The following ADGRV1 variants were observed in gnomAD, a reference collection of about 807,000 sequenced individuals.
The protein encoded by ADGRV1 is G-protein coupled receptor 98.
Under a neutral mutation model 596.2 loss-of-function variants are expected in ADGRV1, and 359 were observed. The ratio of observed to expected loss-of-function variants is 0.60; its 90% CI spans 0.55 to 0.66. The LOEUF (loss-of-function observed/expected upper bound fraction) is 0.66. Among genes scored for constraint, ADGRV1 ranks in the 30% least tolerant of loss-of-function variants. The pLI is 0.00. For missense variants in ADGRV1, 7,274 were observed against 7,575.6 expected (o/e 0.96, Z 1.48); for synonymous variants, 2,681 against 2,679.2 (o/e 1.00, Z -0.02).
intron 84 of ADGRV1, among the ~76,000 whole-genome samples, chr5:90,977,249 GTTAAGA>G (rs538508054): frequency 1.2e-4 from 19 of 152,276 alleles, no homozygotes; most frequent in Non-Finnish European, 2.5e-4. Flanking sequence ...TGCAATAAAT[GTTAAGA>G]AAGAGGGAGG....
intron 85 of ADGRV1, among the ~76,000 whole-genome samples, chr5:90,986,835 TTCTTTGTGATATGC>T (rs1350152497): frequency 6.6e-6 from 1 of 152,176 alleles, no homozygotes; most frequent in African/African-American, 2.4e-5. Flanking sequence ...TTCTACGTCA[TTCTTTGTGATATGC>T]AAAGTAACCA....
intron 4 of ADGRV1, among the ~76,000 whole-genome samples, chr5:90,620,622 T>G (rs1236259667): frequency 6.6e-6 from 1 of 152,146 alleles, no homozygotes; most frequent in Non-Finnish European, 1.5e-5. Flanking sequence ...TTTGTCAATT[T>G]TGTCTTTTGT....
At chr5:90,616,558 C>T (rs1250571217) in intron 2 of ADGRV1, among the ~76,000 whole-genome samples, 1 of 152,042 alleles carries the variant, frequency 6.6e-6, no homozygotes, top group Non-Finnish European at 1.5e-5. Context: ...ACATACATCT[C>T]TTTCTTTTCC....
chr5:90,932,429 A>G (rs1235481626), intron 83 of ADGRV1, among the ~76,000 whole-genome samples: 1 of 152,126 alleles, frequency 6.6e-6, no homozygotes, highest in African/African-American at 2.4e-5. Context: ...TCTGTTTGCT[A>G]GTGGAAATGG....
intron 85 of ADGRV1, among the ~76,000 whole-genome samples, chr5:91,036,522 A>G (rs1435243353): frequency 2.0e-5 from 3 of 150,698 alleles, no homozygotes; most frequent in African/African-American, 4.9e-5. Flanking sequence ...AGATCGCGCC[A>G]CTGCACTCTA....
chr5:90,928,815 G>A (rs1267063511), intron 83 of ADGRV1, among the ~76,000 whole-genome samples: 13 of 151,440 alleles, frequency 8.6e-5, no homozygotes, highest in African/African-American at 1.9e-4. Context: ...TTTTTGGTGT[G>A]GATGTCCTTT....
Position 90,883,254 on chromosome 5 carries a change from A to G in ADGRV1, c.17856+19397A>G, listed in dbSNP as rs775641617. ...TACATGTTCATCTGTGGGAACCAGA[A>G]GGAAGGTCATATCTTGCTTCTACCT... On this transcript the variant is annotated intron_variant, in intron 83 of 89. Transcript: ENST00000405460. Among the ~76,000 whole-genome samples, 3 of 152,186 alleles carry G rather than the reference A, an allele frequency of 2.0e-5. No individual in the cohort carries two copies. In the East Asian group the frequency reaches 5.8e-4, roughly 29 times the overall value.
At chr5:90,844,972 T>G (rs1361021389) in intron 78 of ADGRV1, among the ~76,000 whole-genome samples, 1 of 152,210 alleles carries the variant, frequency 6.6e-6, no homozygotes, top group Non-Finnish European at 1.5e-5. Context: ...CAAGAATTAG[T>G]TTTTACACTT....
chr5:90,569,387 A>ATATAT (rs1231607997), intron 1 of ADGRV1, among the ~76,000 whole-genome samples: 1 of 16,374 alleles, frequency 6.1e-5, no homozygotes, highest in Non-Finnish European at 1.0e-4. Flanking sequence ...ATATATATAT[A>ATATAT]TTTTTTTTTT....
intron 83 of ADGRV1, among the ~76,000 whole-genome samples, chr5:90,872,423 TTGTGTGTGTGTGTGTGTGTGTGTGTGTG>T (rs55743704): frequency 1.4e-5 from 2 of 147,336 alleles, no homozygotes; most frequent in African/African-American, 5.1e-5. Flanking sequence ...TGGTATGAGC[TTGTGTGTGTGTGTGTGTGTGTGTGTGTG>T]TGTGTGTGTG....
At chr5:90,877,150 G>A (rs1769293291) in intron 83 of ADGRV1, among the ~76,000 whole-genome samples, 1 of 152,184 alleles carries the variant, frequency 6.6e-6, no homozygotes, top group South Asian at 2.1e-4. Context: ...TCTTCACCAG[G>A]AAGAATCTAC....
Position 90,616,321 on chromosome 5 carries a change from A to G in ADGRV1, c.207+1302A>G, listed in dbSNP as rs543209694. 1.2e-4 allele frequency among the ~76,000 whole-genome samples: 18 copies of G among 152,198 alleles called. No individual in the cohort carries two copies. In the East Asian group the frequency reaches 1.5e-3, roughly 13 times the overall value. ...GCACAAGCTCATGCAGAATCTTACT[A>G]ATAATACTGAGAATCTTACCAGTAA... is the stretch of plus-strand genomic sequence containing the variant. On this transcript the variant is annotated intron_variant, in intron 2 of 89. Transcript: ENST00000405460.
intron 83 of ADGRV1, among the ~76,000 whole-genome samples, chr5:90,954,204 G>A (rs1343516342): frequency 2.9e-5 from 4 of 136,962 alleles, no homozygotes; most frequent in Admixed American, 1.6e-4. Context: ...TATTTATAAA[G>A]ATTAAAAAGC....
At chr5:90,774,366 T>A in intron 60 of ADGRV1, 63 bp downstream of exon 60, 1 of 914,132 alleles carries the variant, frequency 1.1e-6, no homozygotes, top group South Asian at 1.4e-5. Flanking sequence ...GTAATAAAAA[T>A]AACCCGTAGT....
At chr5:90,762,174 G>T (rs1028164113) in intron 58 of ADGRV1, among the ~76,000 whole-genome samples, 1 of 152,138 alleles carries the variant, frequency 6.6e-6, no homozygotes, top group Non-Finnish European at 1.5e-5. Context: ...AATCAAAGAA[G>T]ACTTATATAA....
chr5:90,788,159 A>G lies in ADGRV1; in HGVS notation c.13742A>G (p.Tyr4581Cys), dbSNP rs776678308. The G allele has an allele frequency of 7.4e-6, 12 of 1,613,744 alleles. No individual in the cohort carries two copies. The African/African-American group carries it at 8.0e-5, about 11-fold the overall frequency. ...GCAGACCCAGTGAGCGGGTTGTTCT[A>G]TTTTGGAGAAGGAGAAGGAGGAGTG... The part of the protein sequence containing the change: ...DIADPVSGLF[Y>C]FGEGEGGVRT... Residue 4581 changes from tyrosine to cysteine, a missense_variant, in exon 68 of 90, where the codon TAT becomes TGT. Tyr to Cys is a radical substitution (Grantham distance 194). Transcript: ENST00000405460.
At chr5:90,708,659 T>C (rs1748924393) in intron 38 of ADGRV1, among the ~76,000 whole-genome samples, 157 bp from the exon 39 acceptor site, 1 of 152,072 alleles carries the variant, frequency 6.6e-6, no homozygotes, top group African/African-American at 2.4e-5. Context: ...GTTTAATACG[T>C]TTATGTTTAT....
chr5:90,585,614 C>T (rs1758652811), intron 1 of ADGRV1, among the ~76,000 whole-genome samples: 1 of 152,168 alleles, frequency 6.6e-6, no homozygotes, highest in South Asian at 2.1e-4. Flanking sequence ...CAGAGGGCAG[C>T]CTGTCAGGGG....
At chr5:90,638,222 C>A in intron 11 of ADGRV1, among the ~76,000 whole-genome samples, 1 of 151,284 alleles carries the variant, frequency 6.6e-6, no homozygotes. Flanking sequence ...AAATATGAAA[C>A]ATAGCTAATA....
Sources: allele counts gnomAD v4.1 joint callset (sites outside exome capture counted in the v4.1 genomes callset), GRCh38; gene constraint gnomAD v4.1.1; transcripts MANE v1.5; gene names NCBI Gene and HGNC (gene_info 2026-07-23, HGNC 2026-07-21).